The following OR5AS1 variants were observed in gnomAD, a reference collection of about 807,000 sequenced individuals.
The protein encoded by OR5AS1 is olfactory receptor 5AS1.
For missense variants in OR5AS1, 492 were observed against 378.2 expected (o/e 1.30, Z -2.50); for synonymous variants, 196 against 141.7 (o/e 1.38, Z -2.72).
Position 56,034,537 on chromosome 11 carries a change from T to C in OR5AS1, c.*3144T>C, listed in dbSNP as rs1853384755. On this transcript the variant is annotated 3_prime_UTR_variant, in exon 2 of 2. Coordinates refer to ENST00000641320, the MANE Select transcript of OR5AS1 (RefSeq NM_001001921.2). ...GAGATTGAAGATCAACTTAATGAAATAAAGCTTGAAGACAAGATTAGAGAA... is the reference window on the plus strand; with the variant it reads ...GAGATTGAAGATCAACTTAATGAAACAAAGCTTGAAGACAAGATTAGAGAA... 1 of 151,854 alleles carries C rather than the reference T, an allele frequency of 6.6e-6. No homozygotes were observed. The highest frequency in any genetic ancestry group is 1.5e-5 in the Non-Finnish European group (1 of 67,974). The allele number at this position is 151,854 out of a possible 1,614,324, so 9.4% of individuals were successfully genotyped here.
In OR5AS1 at chr11:56,037,093, T is replaced by G. The variant is rs1329698217; in HGVS notation, c.*5700T>G. The G allele has an allele frequency of 6.6e-6, 1 of 152,024 alleles. No homozygotes were observed. The highest frequency in any genetic ancestry group is 1.5e-5 in the Non-Finnish European group (1 of 68,008). 9.4% of individuals were successfully genotyped at this position (152,024 alleles called of 1,614,324 possible). On this transcript the variant is annotated 3_prime_UTR_variant, in exon 2 of 2. Coordinates refer to ENST00000641320, the MANE Select transcript of OR5AS1 (RefSeq NM_001001921.2). ...TTCGTGCTAAAAACTCTCAATAAAC[T>G]AGGTATTGACAAACATATCTCCAAA...
Position 56,037,191 on chromosome 11 carries a change from G to C in OR5AS1, c.*5798G>C, listed in dbSNP as rs1853414773. On this transcript the variant is annotated 3_prime_UTR_variant, in exon 2 of 2. Coordinates refer to ENST00000641320, the MANE Select transcript of OR5AS1 (RefSeq NM_001001921.2). ...GGCAAAAACTGGACGCATTCCCTTT[G>C]AAAACCGGCACAAAACAATGATGCC... 1 of 152,058 alleles carries C rather than the reference G, an allele frequency of 6.6e-6. No homozygotes were observed. Among genetic ancestry groups the C allele is most frequent in the Non-Finnish European group, 1.5e-5 (1 of 68,040 alleles). 9.4% of individuals were successfully genotyped at this position (152,058 alleles called of 1,614,324 possible). A position where few individuals can be genotyped will look rare whatever the true frequency, so the allele number is the denominator to read the frequency against.
chr11:56,028,625 TGA>T (rs1347308829), intron 1 of OR5AS1, among the ~76,000 whole-genome samples: 1 of 151,982 alleles, frequency 6.6e-6, no homozygotes, highest in Non-Finnish European at 1.5e-5. Context: ...CAGAGCAGCG[TGA>T]GATAAATCCT....
rs146891393 is a variant in OR5AS1 at position 56,031,180 on chromosome 11, G to A, written c.762G>A (p.Ala254=). ...HLIAVTLFYG[A]LLFMYLQPTT... ...TAGCAGTCACCTTATTCTATGGAGC[G>A]CTCCTGTTTATGTACTTACAGCCCA... is the stretch of plus-strand genomic sequence containing the variant. The change falls in exon 2 of 2, where the codon GCG becomes GCA. Residue 254 remains alanine, a synonymous_variant. Transcript: ENST00000641320. 1.8e-5 allele frequency: 29 copies of A among 1,613,900 alleles called. No individual in the cohort carries two copies. The highest frequency in any genetic ancestry group is 1.3e-4 in the African/African-American group (10 of 74,926).
intron 1 of OR5AS1, among the ~76,000 whole-genome samples, chr11:56,029,889 C>T (rs1163914597): frequency 6.6e-6 from 1 of 151,034 alleles, no homozygotes. Flanking sequence ...TCCATAATTA[C>T]CATGCTCTTA....
At chr11:56,030,359 CAAGTT>C in intron 1 of OR5AS1, 27 bp from the exon 2 acceptor site, 1 of 1,135,874 alleles carries the variant, frequency 8.8e-7, no homozygotes. Context: ...ATCCATAACT[CAAGTT>C]AACTCACATC....
chr11:56,031,244 G>C lies in OR5AS1; in HGVS notation c.826G>C (p.Val276Leu), dbSNP rs755661518. 18 of 1,613,824 alleles carry C rather than the reference G, an allele frequency of 1.1e-5. No individual in the cohort carries two copies. Among genetic ancestry groups the C allele is most frequent in the Non-Finnish European group, 1.5e-5 (18 of 1,179,822 alleles). ...CCTAGACACTGATAAGGTGGTGGCAGTGTTTTATACTGTTGTATTTCCCAT... is the reference window on the plus strand; with the variant it reads ...CCTAGACACTGATAAGGTGGTGGCACTGTTTTATACTGTTGTATTTCCCAT... The part of the protein sequence containing the change: ...YSLDTDKVVA[V>L]FYTVVFPMFN... Residue 276 changes from valine to leucine, a missense_variant, in exon 2 of 2, where the codon GTG becomes CTG. Coordinates refer to ENST00000641320, the MANE Select transcript of OR5AS1 (RefSeq NM_001001921.2).
Position 56,031,445 on chromosome 11 carries a change from T to A in OR5AS1, c.*52T>A. On this transcript the variant is annotated 3_prime_UTR_variant, in exon 2 of 2. Transcript: ENST00000641320. The stretch of plus-strand genomic sequence containing the variant: ...AATTATGCCATGAACATCTTATGTG[T>A]TAACTATTTTAAATTTATCACATTT... 1 of 1,247,734 alleles carries A rather than the reference T, an allele frequency of 8.0e-7. No homozygotes were observed. Among genetic ancestry groups the A allele is most frequent in the Non-Finnish European group, 1.1e-6 (1 of 908,732 alleles). 77.3% of individuals were successfully genotyped at this position (1,247,734 alleles called of 1,614,324 possible). A position where few individuals can be genotyped will look rare whatever the true frequency, so the allele number is the denominator to read the frequency against.
chr11:56,029,659 A>G (rs1055139785), intron 1 of OR5AS1, among the ~76,000 whole-genome samples: 6 of 152,076 alleles, frequency 3.9e-5, no homozygotes, highest in African/African-American at 1.4e-4. Context: ...AAAAAACCCC[A>G]AAACAATCAA....
rs949500686 is a variant in OR5AS1 at position 56,036,202 on chromosome 11, C to T, written c.*4809C>T. On this transcript the variant is annotated 3_prime_UTR_variant, in exon 2 of 2. Coordinates refer to ENST00000641320, the MANE Select transcript of OR5AS1 (RefSeq NM_001001921.2). ...GCAGGAAAGATCTAAAATCAACACC[C>T]TAACATCACAATTAAAAGAACTAGA... The T allele has an allele frequency of 6.6e-6, 1 of 151,950 alleles. No individual in the cohort carries two copies. Among genetic ancestry groups the T allele is most frequent in the African/African-American group, 2.4e-5 (1 of 41,306 alleles). The allele number at this position is 151,950 out of a possible 1,614,324, so 9.4% of individuals were successfully genotyped here. A position where few individuals can be genotyped will look rare whatever the true frequency, so the allele number is the denominator to read the frequency against.
chr11:56,030,474 A>T lies in OR5AS1; in HGVS notation c.56A>T (p.Asp19Val). The change falls in exon 2 of 2, where the codon GAT (aspartate) becomes GTT (valine). Residue 19 changes from aspartate to valine, a missense_variant. Transcript: ENST00000641320. ...PTEFLFVGFT[D>V]YLPLRVTLFL... ...GAGTTCCTATTTGTTGGATTCACAGATTATCTACCTCTCAGAGTCACACTG... is the reference window on the plus strand; with the variant it reads ...GAGTTCCTATTTGTTGGATTCACAGTTTATCTACCTCTCAGAGTCACACTG... 7 of 1,501,430 alleles carry T rather than the reference A, an allele frequency of 4.7e-6. No homozygotes were observed. Among genetic ancestry groups the T allele is most frequent in the Non-Finnish European group, 6.2e-6 (7 of 1,123,986 alleles). The allele number at this position is 1,501,430 out of a possible 1,614,324, so 93.0% of individuals were successfully genotyped here.
chr11:56,037,080 A>T lies in OR5AS1; in HGVS notation c.*5687A>T, dbSNP rs966961728. 6.6e-6 allele frequency: 1 copy of T among 151,896 alleles called. No homozygotes were observed. Among genetic ancestry groups the T allele is most frequent in the Non-Finnish European group, 1.5e-5 (1 of 68,008 alleles). 9.4% of individuals were successfully genotyped at this position (151,896 alleles called of 1,614,324 possible). A position where few individuals can be genotyped will look rare whatever the true frequency, so the allele number is the denominator to read the frequency against. ...AAATTCAACACCCTTCGTGCTAAAA[A>T]CTCTCAATAAACTAGGTATTGACAA... On this transcript the variant is annotated 3_prime_UTR_variant, in exon 2 of 2. Coordinates refer to ENST00000641320, the MANE Select transcript of OR5AS1 (RefSeq NM_001001921.2).
intron 1 of OR5AS1, among the ~76,000 whole-genome samples, chr11:56,029,266 G>A (rs900628339): frequency 2.6e-5 from 4 of 151,848 alleles, no homozygotes; most frequent in African/African-American, 4.8e-5. Flanking sequence ...TATTCCATTC[G>A]CATTGTATTT....
intron 1 of OR5AS1, 84 bp downstream of exon 1, chr11:56,027,796 ATC>A (rs1853310692): frequency 7.1e-6 from 1 of 140,046 alleles, no homozygotes; most frequent in Admixed American, 7.3e-5. Context: ...GATAAAATGT[ATC>A]TCTGCTATTT....
intron 1 of OR5AS1, among the ~76,000 whole-genome samples, chr11:56,028,046 C>G (rs1237209360): frequency 1.3e-5 from 2 of 151,972 alleles, no homozygotes; most frequent in African/African-American, 2.4e-5. Context: ...CATGCTAAAC[C>G]TCAGATTTTA....
Position 56,036,846 on chromosome 11 carries a change from A to C in OR5AS1, c.*5453A>C, listed in dbSNP as rs541378891. 1 of 152,146 alleles carries C rather than the reference A, an allele frequency of 6.6e-6. No individual in the cohort carries two copies. Among genetic ancestry groups the C allele is most frequent in the African/African-American group, 2.4e-5 (1 of 41,398 alleles). The allele number at this position is 152,146 out of a possible 1,614,324, so 9.4% of individuals were successfully genotyped here. A position where few individuals can be genotyped will look rare whatever the true frequency, so the allele number is the denominator to read the frequency against. On this transcript the variant is annotated 3_prime_UTR_variant, in exon 2 of 2. Transcript: ENST00000641320. ...AGAACATGCCAGGCCAATATCCCTG[A>C]TGAACATGATGCAAAAATCCTCAAA...
rs1300505904 is a variant in OR5AS1, at chr11:56,035,159, A to C, written c.*3766A>C. 2 of 150,576 alleles carry C rather than the reference A, an allele frequency of 1.3e-5. No homozygotes were observed. Among genetic ancestry groups the C allele is most frequent in the Non-Finnish European group, 3.0e-5 (2 of 67,236 alleles). The allele number at this position is 150,576 out of a possible 1,614,324, so 9.3% of individuals were successfully genotyped here. A position where few individuals can be genotyped will look rare whatever the true frequency, so the allele number is the denominator to read the frequency against. Reference sequence around the variant, plus strand: ...AGGTACAACTGGTAACAGCCACTGCAAAAAAAACAAATTTTAAAGAACATT... The same window carrying C: ...AGGTACAACTGGTAACAGCCACTGCCAAAAAAACAAATTTTAAAGAACATT... On this transcript the variant is annotated 3_prime_UTR_variant, in exon 2 of 2. Coordinates refer to ENST00000641320, the MANE Select transcript of OR5AS1 (RefSeq NM_001001921.2).
Position 56,031,690 on chromosome 11 carries a change from A to C in OR5AS1, c.*297A>C, listed in dbSNP as rs1853353313. ...TTGACTTTTCAGTCAATCAATCGGT[A>C]TTAGAAGCTACTTGGCAGCAGAGCA... On this transcript the variant is annotated 3_prime_UTR_variant, in exon 2 of 2. Coordinates refer to ENST00000641320, the MANE Select transcript of OR5AS1 (RefSeq NM_001001921.2). 1 of 211,680 alleles carries C rather than the reference A, an allele frequency of 4.7e-6. No homozygotes were observed. Among genetic ancestry groups the C allele is most frequent in the Non-Finnish European group, 9.5e-6 (1 of 104,770 alleles). The allele number at this position is 211,680 out of a possible 1,614,324, so 13.1% of individuals were successfully genotyped here.
rs1163202360 is a variant in OR5AS1 at position 56,032,395 on chromosome 11, G to C, written c.*1002G>C. ...TATAAACAATTTTTACTCTGTAATCGATTTTGATAATTAAATTATCAGATT... is the reference window on the plus strand; with the variant it reads ...TATAAACAATTTTTACTCTGTAATCCATTTTGATAATTAAATTATCAGATT... On this transcript the variant is annotated 3_prime_UTR_variant, in exon 2 of 2. Transcript: ENST00000641320. 1 of 151,960 alleles carries C rather than the reference G, an allele frequency of 6.6e-6. No individual in the cohort carries two copies. Among genetic ancestry groups the C allele is most frequent in the Non-Finnish European group, 1.5e-5 (1 of 68,006 alleles). 9.4% of individuals were successfully genotyped at this position (151,960 alleles called of 1,614,324 possible).
Sources: allele counts gnomAD v4.1 joint callset (sites outside exome capture counted in the v4.1 genomes callset), GRCh38; gene constraint gnomAD v4.1.1; transcripts MANE v1.5; gene names NCBI Gene and HGNC (gene_info 2026-07-23, HGNC 2026-07-21).